SNED1: variants seen among roughly 807,000 people sequenced by gnomAD.
SNED1 encodes sushi, nidogen and EGF-like domain-containing protein 1.
SNED1 carries 81 observed loss-of-function variants against 166.7 expected under a neutral mutation model. The ratio of observed to expected loss-of-function variants is 0.49; its 90% CI spans 0.41 to 0.58. The LOEUF (loss-of-function observed/expected upper bound fraction) is 0.58, where lower values mean the gene tolerates loss of function less well. Ranked by LOEUF, SNED1 falls within the 20% of genes least tolerant of loss-of-function variation. SNED1 has a pLI of 0.00. For missense variants in SNED1, 1,604 were observed against 2,000.2 expected, an observed-to-expected ratio of 0.80 and a Z score of 3.78; for synonymous variants, 762 against 822.0, an observed-to-expected ratio of 0.93 and a Z score of 1.25.
intron 3 of SNED1, among the ~76,000 whole-genome samples, chr2:241,034,271 G>A (rs1035973827): frequency 2.0e-5 from 3 of 152,206 alleles, no homozygotes; most frequent in Non-Finnish European, 4.4e-5. Context: ...CCCCAGGCCC[G>A]AGAGTGCCTT....
intron 8 of SNED1, 123 bp from the exon 9 acceptor site, chr2:241,048,192 C>T: frequency 8.3e-7 from 1 of 1,207,706 alleles, no homozygotes; most frequent in Non-Finnish European, 1.1e-6. Flanking sequence ...AAGCTTCTGG[C>T]TTAAATTCCA....
chr2:241,056,580 A>ATTTTTTTTTTTTTTTTT (rs1172411061), intron 16 of SNED1, among the ~76,000 whole-genome samples: 5 of 111,224 alleles, frequency 4.5e-5, no homozygotes, highest in Non-Finnish European at 6.7e-5. Context: ...AATAAGTGAA[A>ATTTTTTTTTTTTTTTTT]TTTTTTTTTT....
chr2:241,002,093 A>AT (rs2106526735), intron 1 of SNED1, among the ~76,000 whole-genome samples: 1 of 152,194 alleles, frequency 6.6e-6, no homozygotes, highest in Non-Finnish European at 1.5e-5. Context: ...GGGAGTTCAC[A>AT]TGCAGCCTGT....
chr2:241,011,804 C>T lies in SNED1; in HGVS notation c.213+12754C>T, dbSNP rs571002671. On this transcript the variant is annotated intron_variant, in intron 1 of 31. Coordinates refer to ENST00000310397, the MANE Select transcript of SNED1 (RefSeq NM_001080437.3). ...TGCCCACTAGCCCCCTTCCACCAGA[C>T]GTTGGGACGTCCACATCTGGAGAAA... 3.8e-3 allele frequency among the ~76,000 whole-genome samples: 585 copies of T among 152,342 alleles called. 2 individuals are homozygous for T. Among genetic ancestry groups the T allele is most frequent in the African/African-American group, 0.013 (526 of 41,580 alleles).
chr2:241,002,914 G>T (rs2060118406), intron 1 of SNED1, among the ~76,000 whole-genome samples: 1 of 151,852 alleles, frequency 6.6e-6, no homozygotes, highest in Admixed American at 6.6e-5. Context: ...AGCTCCGCCT[G>T]CCTCTCTACT....
Position 241,068,470 on chromosome 2 carries a change from A to G in SNED1, c.3195-441A>G, listed in dbSNP as rs1442658070. ...TCAGCGCAGGCAGGGGTGCAGGAAA[A>G]GATCGGAGAGCGAGTGGGAAGGAAG... On this transcript the variant is annotated intron_variant, in intron 22 of 31. Coordinates refer to ENST00000310397, the MANE Select transcript of SNED1 (RefSeq NM_001080437.3). This position sits in a 1 kb window ranked among gnomAD's most constrained non-coding sequence, Gnocchi z 5.3. Among the ~76,000 whole-genome samples, 3 of 152,144 alleles carry G rather than the reference A, an allele frequency of 2.0e-5. No individual in the cohort carries two copies. The East Asian group carries it at 5.8e-4, about 29-fold the overall frequency.
chr2:241,087,376 T>C lies in SNED1; in HGVS notation c.4122-16T>C. On this transcript the variant is annotated splice_polypyrimidine_tract_variant and intron_variant, in intron 29 of 31. Coordinates refer to ENST00000310397, the MANE Select transcript of SNED1 (RefSeq NM_001080437.3). The stretch of plus-strand genomic sequence containing the variant: ...GCTTCACTGTCTGGTTTTACAAAGC[T>C]TTCTTGTGACAACAGGTATAAAAGA... 6.3e-7 allele frequency: 1 copy of C among 1,583,018 alleles called. No homozygotes were observed. Among genetic ancestry groups the C allele is most frequent in the Non-Finnish European group, 8.6e-7 (1 of 1,164,684 alleles).
At chr2:241,011,382 G>T (rs573880190) in intron 1 of SNED1, among the ~76,000 whole-genome samples, 70 of 152,250 alleles carry the variant, frequency 4.6e-4, no homozygotes, top group Non-Finnish European at 7.6e-4. Flanking sequence ...TGCCAGGCTG[G>T]CCTCAGGCCC....
Position 241,052,669 on chromosome 2 carries a change from C to T in SNED1, c.2083+201C>T, listed in dbSNP as rs79404979. Among the ~76,000 whole-genome samples, 458 of 36,100 alleles carry T rather than the reference C, an allele frequency of 0.013. 48 individuals carry two copies. In the East Asian group the frequency reaches 0.16, roughly 13 times the overall value. 23.7% of individuals were successfully genotyped at this position (36,100 alleles called of 152,430 possible). A position where few individuals can be genotyped will look rare whatever the true frequency, so the allele number is the denominator to read the frequency against. On this transcript the variant is annotated intron_variant, in intron 15 of 31. Coordinates refer to ENST00000310397, the MANE Select transcript of SNED1 (RefSeq NM_001080437.3). ...AAGCAGGGTACATGGGACACCGGTG[C>T]CAGGCAGGTGAGAGGGTCGGCGGGG...
At chr2:241,037,808 T>C (rs1016590797) in intron 6 of SNED1, among the ~76,000 whole-genome samples, 78 of 152,232 alleles carry the variant, frequency 5.1e-4, no homozygotes, top group Non-Finnish European at 9.7e-4. Flanking sequence ...ACACGGTCCC[T>C]GCCGCTCCCT....
chr2:241,010,324 C>T lies in SNED1; in HGVS notation c.213+11274C>T, dbSNP rs528500377. 2.0e-5 allele frequency: 3 copies of T among 152,516 alleles called. No homozygotes were observed. In the East Asian group the frequency reaches 5.8e-4, roughly 29 times the overall value. 9.4% of individuals were successfully genotyped at this position (152,516 alleles called of 1,614,324 possible). ...AGCCCGAGGTCACCTCCTGGAGGCT[C>T]CCCAGACGCTTCAGCTCTTTCCTGC... On this transcript the variant is annotated intron_variant, in intron 1 of 31. Coordinates refer to ENST00000310397, the MANE Select transcript of SNED1 (RefSeq NM_001080437.3).
intron 1 of SNED1, among the ~76,000 whole-genome samples, chr2:241,020,842 AAAG>A (rs1353887868): frequency 2.0e-5 from 3 of 152,282 alleles, no homozygotes; most frequent in Non-Finnish European, 2.9e-5. Flanking sequence ...CAGAAGGGAC[AAAG>A]AAGCAGGAAG....
intron 3 of SNED1, 62 bp from the exon 4 acceptor site, chr2:241,034,506 A>G: frequency 7.0e-7 from 1 of 1,429,418 alleles, no homozygotes; most frequent in Non-Finnish European, 9.6e-7. Context: ...GGGCAGGGTA[A>G]CCCCCACCTC....
At chr2:241,037,145 T>C in intron 5 of SNED1, 95 bp from the exon 6 acceptor site, 1 of 1,156,554 alleles carries the variant, frequency 8.6e-7, no homozygotes, top group South Asian at 1.4e-5. Flanking sequence ...ATCTCGGGCT[T>C]GCTCCTCCTC....
At chr2:241,087,707 T>C (rs1459957200) in intron 30 of SNED1, 6 of 1,356,098 alleles carry the variant, frequency 4.4e-6, no homozygotes, top group East Asian at 2.7e-5. Flanking sequence ...CTGGGGGGGG[T>C]CACTCTGGTT....
intron 10 of SNED1, 23 bp from the exon 11 acceptor site, chr2:241,048,998 TG>T (rs2061747610): frequency 6.3e-7 from 1 of 1,578,630 alleles, no homozygotes; most frequent in Non-Finnish European, 8.7e-7. Flanking sequence ...GAATATGGGA[TG>T]GGGCTTCCTC....
intron 14 of SNED1, 98 bp from the exon 15 acceptor site, chr2:241,052,257 C>CGCAGGAGGTGGAGCTGGGT: frequency 2.1e-6 from 3 of 1,433,882 alleles, no homozygotes; most frequent in Non-Finnish European, 2.9e-6. Flanking sequence ...GCCCTGGAGG[C>CGCAGGAGGTGGAGCTGGGT]GCAGGAGGTG....
At chr2:241,056,812 A>C (rs1559275330) in intron 16 of SNED1, among the ~76,000 whole-genome samples, 1 of 149,916 alleles carries the variant, frequency 6.7e-6, no homozygotes, top group Non-Finnish European at 1.5e-5. Flanking sequence ...CGATCTCCTG[A>C]CCTCGTGATC....
rs2062314794 is a variant in SNED1 at position 241,063,597 on chromosome 2, G to A, written c.2382G>A (p.Glu794=). The A allele has an allele frequency of 6.2e-7, 1 of 1,607,718 alleles. No homozygotes were observed. The highest frequency in any genetic ancestry group is 8.5e-7 in the Non-Finnish European group (1 of 1,176,966). Residue 794 remains glutamate, a synonymous_variant, in exon 18 of 32, where the codon GAG becomes GAA. Coordinates refer to ENST00000310397, the MANE Select transcript of SNED1 (RefSeq NM_001080437.3). Reference sequence around the variant, plus strand: ...CCCTTCTCTGTGCAGAGAGGGATGAGTGCCGAGCTCACCCGTGCAGAAATG... The same window carrying A: ...CCCTTCTCTGTGCAGAGAGGGATGAATGCCGAGCTCACCCGTGCAGAAATG... ...EGAHCELERD[E]CRAHPCRNGG...
Sources: allele counts gnomAD v4.1 joint callset (sites outside exome capture counted in the v4.1 genomes callset), GRCh38; gene constraint gnomAD v4.1.1; non-coding constraint Gnocchi (gnomAD v3.1); transcripts MANE v1.5; gene names NCBI Gene and HGNC (gene_info 2026-07-23, HGNC 2026-07-21).